BFSP1: variants seen among roughly 807,000 people sequenced by gnomAD.
The protein encoded by BFSP1 is filensin.
BFSP1 carries 38 observed loss-of-function variants against 43.9 expected under a neutral mutation model. The ratio of observed to expected loss-of-function variants is 0.87; its 90% CI spans 0.67 to 1.14. The LOEUF is 1.14. BFSP1 is among the 50% of genes most tolerant of loss of function. The probability of loss-of-function intolerance (pLI) is 0.00; values close to 1 mark genes in which losing one functional copy is unlikely to be tolerated. For missense variants in BFSP1, 850 were observed against 875.1 expected (o/e 0.97, Z 0.36); for synonymous variants, 352 against 354.8 (o/e 0.99, Z 0.09).
chr20:17,540,097 T>C (rs1325123465), intron 1 of BFSP1, among the ~76,000 whole-genome samples: 4 of 152,140 alleles, frequency 2.6e-5, no homozygotes, highest in Non-Finnish European at 5.9e-5. Flanking sequence ...ATTCTAAAAA[T>C]AGTCAGTTTA....
chr20:17,517,864 G>A (rs1199279366), intron 2 of BFSP1, among the ~76,000 whole-genome samples: 1 of 152,142 alleles, frequency 6.6e-6, no homozygotes, highest in Non-Finnish European at 1.5e-5. Context: ...TGCATGGCAC[G>A]GCTCTATGGG....
intron 1 of BFSP1, among the ~76,000 whole-genome samples, chr20:17,527,650 C>A (rs973381404): frequency 6.6e-6 from 1 of 152,036 alleles, no homozygotes; most frequent in Non-Finnish European, 1.5e-5. Context: ...ATAGCGTGAA[C>A]CCAGGAGGCA....
chr20:17,515,417 G>A (rs1013010108), intron 2 of BFSP1, among the ~76,000 whole-genome samples: 1 of 152,164 alleles, frequency 6.6e-6, no homozygotes, highest in African/African-American at 2.4e-5. Flanking sequence ...TTCTCCCAAG[G>A]ACTGTTAACA....
At chr20:17,506,466 G>A (rs2033939955) in intron 5 of BFSP1, among the ~76,000 whole-genome samples, 1 of 151,406 alleles carries the variant, frequency 6.6e-6, no homozygotes, top group Non-Finnish European at 1.5e-5. Context: ...AAGCACATCT[G>A]TCATTTTATT....
chr20:17,529,013 A>G (rs958746013), intron 1 of BFSP1, among the ~76,000 whole-genome samples: 1 of 152,044 alleles, frequency 6.6e-6, no homozygotes, highest in African/African-American at 2.4e-5. Flanking sequence ...TCTGTATTTT[A>G]AAATTCATTT....
intron 1 of BFSP1, among the ~76,000 whole-genome samples, chr20:17,555,288 C>CAAAAA (rs929219257): frequency 3.3e-3 from 142 of 42,610 alleles, no homozygotes; most frequent in Non-Finnish European, 3.7e-3. Flanking sequence ...TCCTATCTCA[C>CAAAAA]AAAAAAAAAA....
intron 2 of BFSP1, among the ~76,000 whole-genome samples, 186 bp from the exon 3 acceptor site, chr20:17,515,002 C>G (rs1055831023): frequency 3.3e-5 from 5 of 152,220 alleles, no homozygotes; most frequent in African/African-American, 9.6e-5. Flanking sequence ...TGGACCTGTT[C>G]TAGAAGAGCA....
intron 2 of BFSP1, among the ~76,000 whole-genome samples, chr20:17,520,567 C>A (rs1288749537): frequency 6.6e-6 from 1 of 152,240 alleles, no homozygotes; most frequent in Non-Finnish European, 1.5e-5. Flanking sequence ...TATGGCTGTT[C>A]TTCCAGGTGC....
intron 1 of BFSP1, among the ~76,000 whole-genome samples, chr20:17,529,046 A>C (rs1359486414): frequency 1.4e-5 from 2 of 146,480 alleles, no homozygotes; most frequent in Non-Finnish European, 3.0e-5. Context: ...ATGGATGAAT[A>C]TCTTACATGG....
upstream of BFSP1, among the ~76,000 whole-genome samples, chr20:17,561,105 A>T (rs1209248830): frequency 1.3e-5 from 2 of 152,162 alleles, no homozygotes; most frequent in African/African-American, 4.8e-5. Flanking sequence ...ATCTATCCTT[A>T]AAAAAATGCT....
chr20:17,508,880 C>T lies in BFSP1; in HGVS notation c.735+9G>A, dbSNP rs774559581. On this transcript the variant is annotated intron_variant, in intron 5 of 7. Transcript: ENST00000377873. ...AGCCCCAATGCACACGCGGCAGACT[C>T]GAGCGTACCTGTGCCTGCAGCTCCA... 204 of 1,565,956 alleles carry T rather than the reference C, an allele frequency of 1.3e-4. No homozygotes were observed. Among genetic ancestry groups the T allele is most frequent in the Admixed American group, 1.9e-4 (10 of 52,472 alleles).
chr20:17,520,723 C>T (rs932307322), intron 2 of BFSP1, among the ~76,000 whole-genome samples: 4 of 152,152 alleles, frequency 2.6e-5, no homozygotes, highest in African/African-American at 9.7e-5. Context: ...CACCCCCAGA[C>T]TCCTCCTCTT....
At chr20:17,517,628 G>T (rs2034229942) in intron 2 of BFSP1, among the ~76,000 whole-genome samples, 1 of 152,136 alleles carries the variant, frequency 6.6e-6, no homozygotes, top group Non-Finnish European at 1.5e-5. Flanking sequence ...AAAATAAAAA[G>T]AAACAGGTGA....
chr20:17,558,587 GC>G (rs1568720893), intron 1 of BFSP1: 9 of 1,299,414 alleles, frequency 6.9e-6, no homozygotes, highest in Non-Finnish European at 9.6e-6. Context: ...CAACCCGCTT[GC>G]TGTACCTTCT....
At chr20:17,527,931 T>C (rs181348166) in intron 1 of BFSP1, among the ~76,000 whole-genome samples, 1 of 152,350 alleles carries the variant, frequency 6.6e-6, no homozygotes, top group African/African-American at 2.4e-5. Context: ...TTTATTTCAT[T>C]CTTGTTTTAT....
In BFSP1 at chr20:17,512,306, A is replaced by C. The variant is rs569131251; in HGVS notation, c.535-238T>G. On this transcript the variant is annotated intron_variant, in intron 3 of 7. Coordinates refer to ENST00000377873, the MANE Select transcript of BFSP1 (RefSeq NM_001195.5). ...AGTCTCCTTTAATCTTCACAAGAAC[A>C]ACGGGGCCGATGAATAAACTAAGAC... Among the ~76,000 whole-genome samples, 114 of 152,352 alleles carry C rather than the reference A, an allele frequency of 7.5e-4. 1 individual carries two copies. The highest frequency in any genetic ancestry group is 3.4e-3 in the Middle Eastern group (1 of 294).
intron 1 of BFSP1, among the ~76,000 whole-genome samples, chr20:17,529,502 ATGTGCCTGTGTG>A (rs2034488369): frequency 6.6e-6 from 1 of 151,218 alleles, no homozygotes. Context: ...TCATTGGGGC[ATGTGCCTGTGTG>A]TGTGTCTGTG....
intron 1 of BFSP1, among the ~76,000 whole-genome samples, chr20:17,568,921 C>T (rs1046051953): frequency 6.6e-6 from 1 of 152,136 alleles, no homozygotes; most frequent in Non-Finnish European, 1.5e-5. Context: ...TCTTTGTTCC[C>T]TTTATTTCCC....
chr20:17,566,514 T>C (rs1487593548), intron 1 of BFSP1, among the ~76,000 whole-genome samples: 7 of 152,202 alleles, frequency 4.6e-5, no homozygotes, highest in Admixed American at 1.3e-4. Flanking sequence ...CAACAGCAAT[T>C]TACTTCTCAT....
Sources: allele counts gnomAD v4.1 joint callset (sites outside exome capture counted in the v4.1 genomes callset), GRCh38; gene constraint gnomAD v4.1.1; transcripts MANE v1.5; gene names NCBI Gene and HGNC (gene_info 2026-07-23, HGNC 2026-07-21).